ESYT1: variants seen among roughly 807,000 people sequenced by gnomAD.
ESYT1 encodes extended synaptotagmin-1.
Under a neutral mutation model 154.2 loss-of-function variants are expected in ESYT1, and 116 were observed. The observed-to-expected ratio is 0.75, with a 90% CI of 0.65 to 0.88. The LOEUF (loss-of-function observed/expected upper bound fraction) is 0.88, where lower values mean the gene tolerates loss of function less well. Ranked by LOEUF, ESYT1 falls within the 40% of genes least tolerant of loss-of-function variation. The pLI, the probability that ESYT1 is intolerant of heterozygous loss-of-function variation, is 0.00. For synonymous variants in ESYT1, 500 were observed against 539.9 expected, an observed-to-expected ratio of 0.93 and a Z score of 1.02; for missense variants, 1,264 against 1,379.3, an observed-to-expected ratio of 0.92 and a Z score of 1.32.
chr12:56,135,846 G>A (rs897741902), intron 15 of ESYT1, among the ~76,000 whole-genome samples: 4 of 149,790 alleles, frequency 2.7e-5, no homozygotes, highest in Non-Finnish European at 4.4e-5. Context: ...CCAAGATAGC[G>A]TCACTGCACT....
At position 56,133,817 on chromosome 12, in the gene ESYT1, G is replaced by A. The variant is rs542574991; in HGVS notation, c.1417G>A (p.Asp473Asn). 1 of 1,614,158 alleles carries A rather than the reference G, an allele frequency of 6.2e-7. No individual in the cohort carries two copies. The highest frequency in any genetic ancestry group is 8.5e-7 in the Non-Finnish European group (1 of 1,180,028). The change falls in exon 13 of 31, where the codon GAT (aspartate) becomes AAT (asparagine). Residue 473 changes from aspartate (D) to asparagine (N), a missense_variant. Coordinates refer to ENST00000394048, the MANE Select transcript of ESYT1 (RefSeq NM_015292.3). ...GAATTGGGGAGTCTCCTCTCGACCA[G>A]ATCCCCCGTCAGCTGCCATCTTAGT... Reference protein sequence around the residue: ...QWNWGVSSRPDPPSAAILVVY... With the variant: ...QWNWGVSSRPNPPSAAILVVY...
At chr12:56,141,970 T>TG (rs1387253332) in intron 24 of ESYT1, among the ~76,000 whole-genome samples, 1 of 151,302 alleles carries the variant, frequency 6.6e-6, no homozygotes, top group Non-Finnish European at 1.5e-5. Flanking sequence ...TGGTGGCAGG[T>TG]GCCTGTAATC....
rs748433152 is a variant in ESYT1 at position 56,130,567 on chromosome 12, C to T, written c.391-15C>T. On this transcript the variant is annotated splice_polypyrimidine_tract_variant and intron_variant, in intron 1 of 30. Coordinates refer to ENST00000394048, the MANE Select transcript of ESYT1 (RefSeq NM_015292.3). ...GTGTGCTGCACGTCACTGTCTCTGC[C>T]TTCCCCACCTCCAGGTCAGCTTCCC... is the stretch of plus-strand genomic sequence containing the variant. The T allele has an allele frequency of 6.2e-7, 1 of 1,613,554 alleles. No individual in the cohort carries two copies. Among genetic ancestry groups the T allele is most frequent in the Non-Finnish European group, 8.5e-7 (1 of 1,180,040 alleles).
At chr12:56,130,241 C>G in intron 1 of ESYT1, 1 of 400,718 alleles carries the variant, frequency 2.5e-6, no homozygotes, top group Non-Finnish European at 4.7e-6. Context: ...TCCCAGGATT[C>G]CCTCAAACTC....
rs1243947785 is a variant in ESYT1 at position 56,144,086 on chromosome 12, C to T, written c.*224C>T. 10 of 1,423,874 alleles carry T rather than the reference C, an allele frequency of 7.0e-6. No homozygotes were observed. In the South Asian group the frequency reaches 1.2e-4, roughly 17 times the overall value. The allele number at this position is 1,423,874 out of a possible 1,614,324, so 88.2% of individuals were successfully genotyped here. On this transcript the variant is annotated 3_prime_UTR_variant, in exon 31 of 31. Coordinates refer to ENST00000394048, the MANE Select transcript of ESYT1 (RefSeq NM_015292.3). ...TCCTTCTGGGCCCCTGGGGCGGGGA[C>T]CTGAGCTGGCTGTTTCCTGCTTTGC...
chr12:56,133,312 C>A, intron 10 of ESYT1, 105 bp from the exon 11 acceptor site: 1 of 1,209,972 alleles, frequency 8.3e-7, no homozygotes, highest in Non-Finnish European at 1.2e-6. Context: ...AGTCTGAGAT[C>A]TGCCAGTCAT....
chr12:56,143,647 TG>T lies in ESYT1; in HGVS notation c.3275+23del, dbSNP rs1355348554. The T allele has an allele frequency of 4.3e-6, 7 of 1,611,614 alleles. No individual in the cohort carries two copies. The highest frequency in any genetic ancestry group is 4.2e-6 in the Non-Finnish European group (5 of 1,179,296). On this transcript the variant is annotated intron_variant, in intron 30 of 30. Transcript: ENST00000394048. Reference sequence around the variant, plus strand: ...GCCCGGTGGTGAGTGTCTGCGTGGGTGGGGGATGGTCTGGATATTTCAGTGG... The same window carrying T: ...GCCCGGTGGTGAGTGTCTGCGTGGGTGGGGATGGTCTGGATATTTCAGTGG...
intron 5 of ESYT1, 63 bp from the exon 6 acceptor site, chr12:56,131,414 G>T: frequency 2.5e-6 from 4 of 1,610,548 alleles, no homozygotes; most frequent in Non-Finnish European, 3.4e-6. Context: ...GGCTGAGAAA[G>T]TCTGGGAGGA....
chr12:56,128,720 AC>A lies in ESYT1; in HGVS notation c.390+14del. 1 of 1,612,502 alleles carries A rather than the reference AC, an allele frequency of 6.2e-7. No homozygotes were observed. The highest frequency in any genetic ancestry group is 8.5e-7 in the Non-Finnish European group (1 of 1,179,964). On this transcript the variant is annotated intron_variant, in intron 1 of 30. Transcript: ENST00000394048. ...GAGCTACCTGCCTGGGTGAGCGACCACCCTCGGTCCTCTGTGCAGCATAGCC... is the reference window on the plus strand; with the variant it reads ...GAGCTACCTGCCTGGGTGAGCGACCACCTCGGTCCTCTGTGCAGCATAGCC...
chr12:56,128,456 G>A lies in ESYT1; in HGVS notation c.137G>A (p.Gly46Asp), dbSNP rs148777795. The A allele has an allele frequency of 3.7e-6, 6 of 1,611,714 alleles. No individual in the cohort carries two copies. The highest frequency in any genetic ancestry group is 5.1e-6 in the Non-Finnish European group (6 of 1,178,770). Residue 46 changes from glycine (G) to aspartate (D), a missense_variant, in exon 1 of 31, where the codon GGC becomes GAC. By Grantham distance (94) the Gly-to-Asp change is moderately conservative. Coordinates refer to ENST00000394048, the MANE Select transcript of ESYT1 (RefSeq NM_015292.3). ...PGSGGQPAGP[G>D]AAGEALAVLT... ...TCTGGGGGCCAACCTGCTGGCCCTGGCGCGGCGGGTGAGGCCCTGGCGGTG... is the reference window on the plus strand; with the variant it reads ...TCTGGGGGCCAACCTGCTGGCCCTGACGCGGCGGGTGAGGCCCTGGCGGTG...
In ESYT1 at chr12:56,141,611, A is replaced by G. The variant is rs373992458; in HGVS notation, c.2593-674A>G. Among the ~76,000 whole-genome samples, 36 of 152,214 alleles carry G rather than the reference A, an allele frequency of 2.4e-4. 1 individual carries two copies. Among genetic ancestry groups the G allele is most frequent in the Admixed American group, 5.9e-4 (9 of 15,284 alleles). ...AAAAATTAGCCGGGTGTGGTGGCGGACACCTGTAGTCCCAGCTACTTGGGA... is the reference window on the plus strand; with the variant it reads ...AAAAATTAGCCGGGTGTGGTGGCGGGCACCTGTAGTCCCAGCTACTTGGGA... On this transcript the variant is annotated intron_variant, in intron 24 of 30. Coordinates refer to ENST00000394048, the MANE Select transcript of ESYT1 (RefSeq NM_015292.3).
At position 56,133,435 on chromosome 12, in the gene ESYT1, G is replaced by A; in HGVS notation, c.1263G>A (p.Gly421=). ...DFLGRMKLDV[G]KVLQASVLDD... ...CCCTCAGAATGAAGCTGGATGTAGG[G>A]AAGGTGTTACAGGCTAGCGTTCTGG... Residue 421 remains glycine (G), a synonymous_variant, in exon 11 of 31, where the codon GGG becomes GGA. Coordinates refer to ENST00000394048, the MANE Select transcript of ESYT1 (RefSeq NM_015292.3). The A allele has an allele frequency of 6.2e-7, 1 of 1,614,226 alleles. No individual in the cohort carries two copies. Among genetic ancestry groups the A allele is most frequent in the Admixed American group, 1.7e-5 (1 of 60,032 alleles).
chr12:56,131,372 G>T, intron 5 of ESYT1, 56 bp downstream of exon 5: 2 of 1,611,450 alleles, frequency 1.2e-6, no homozygotes, highest in Admixed American at 1.7e-5. Context: ...CGTTTCATGG[G>T]ATATGGGGAA....
chr12:56,128,926 A>G, intron 1 of ESYT1: 1 of 592,402 alleles, frequency 1.7e-6, no homozygotes. Context: ...CCCAGACTGG[A>G]TCCTTCCACA....
Position 56,131,738 on chromosome 12 carries a change from T to C in ESYT1, c.805-11T>C, listed in dbSNP as rs1320419801. ...ATAGGATCTGTCCTGACCCCTGCTC[T>C]TTCCCTCCAGACCCTAGACATCAAC... is the stretch of plus-strand genomic sequence containing the variant. On this transcript the variant is annotated splice_polypyrimidine_tract_variant and intron_variant, in intron 6 of 30. Transcript: ENST00000394048. 3.7e-6 allele frequency: 6 copies of C among 1,613,972 alleles called. No individual in the cohort carries two copies. Among genetic ancestry groups the C allele is most frequent in the Admixed American group, 1.7e-5 (1 of 59,988 alleles).
chr12:56,142,465 G>A lies in ESYT1; in HGVS notation c.2733+40G>A. 2 of 1,607,570 alleles carry A rather than the reference G, an allele frequency of 1.2e-6. No homozygotes were observed. Among genetic ancestry groups the A allele is most frequent in the African/African-American group, 1.3e-5 (1 of 74,930 alleles). ...ATGGTGGGCAGGATGAGAGGGAGGAGGGGAGGGCCTTCACAGGTGAGGGAC... is the reference window on the plus strand; with the variant it reads ...ATGGTGGGCAGGATGAGAGGGAGGAAGGGAGGGCCTTCACAGGTGAGGGAC... On this transcript the variant is annotated intron_variant, in intron 25 of 30. Transcript: ENST00000394048. This position sits in a 1 kb window ranked among gnomAD's most constrained non-coding sequence, Gnocchi z 4.1.
rs775201382 is a variant in ESYT1, at chr12:56,130,797, G to A, written c.439G>A (p.Ala147Thr). 1 of 1,613,824 alleles carries A rather than the reference G, an allele frequency of 6.2e-7. No homozygotes were observed. The highest frequency in any genetic ancestry group is 1.1e-5 in the South Asian group (1 of 91,066). ...EKAEWLNKIVAQVWPFLGQYM... is the reference protein window; with the variant it reads ...EKAEWLNKIVTQVWPFLGQYM... Reference sequence around the variant, plus strand: ...CATCTCTCTTTCCTCCCAGATTGTGGCCCAGGTCTGGCCCTTCCTGGGCCA... The same window carrying A: ...CATCTCTCTTTCCTCCCAGATTGTGACCCAGGTCTGGCCCTTCCTGGGCCA... Residue 147 changes from alanine (A) to threonine (T), a missense_variant, in exon 3 of 31, where the codon GCC becomes ACC. Physicochemically the swap from Ala to Thr is moderately conservative, Grantham distance 58. Transcript: ENST00000394048.
At chr12:56,133,293 G>C in intron 10 of ESYT1, 124 bp from the exon 11 acceptor site, 1 of 994,758 alleles carries the variant, frequency 1.0e-6, no homozygotes, top group Non-Finnish European at 1.6e-6. Context: ...CTTCTGAGAG[G>C]AATAAGGGAG....
rs28546848 is a variant in ESYT1, at chr12:56,144,377, G to A, written c.*515G>A. 1.6e-5 allele frequency: 16 copies of A among 996,306 alleles called. No homozygotes were observed. Among genetic ancestry groups the A allele is most frequent in the Non-Finnish European group, 1.7e-5 (14 of 835,864 alleles). 61.7% of individuals were successfully genotyped at this position (996,306 alleles called of 1,614,324 possible). A position where few individuals can be genotyped will look rare whatever the true frequency, so the allele number is the denominator to read the frequency against. On this transcript the variant is annotated 3_prime_UTR_variant, in exon 31 of 31. Transcript: ENST00000394048. ...CCCCATGTCCAGTTCTGTCCCCACT[G>A]TCCTCAACCCTGTCCTGAAAATTCT...
Sources: gnomAD v4.1 joint callset for allele counts (sites outside exome capture counted in the v4.1 genomes callset) on GRCh38, gnomAD v4.1.1 for gene constraint, Gnocchi (gnomAD v3.1) non-coding constraint, MANE v1.5 for transcripts, NCBI Gene and HGNC (gene_info 2026-07-23, HGNC 2026-07-21) for gene names.